The following PHTF1 variants were observed in gnomAD, a reference collection of about 807,000 sequenced individuals.
PHTF1 encodes putative homeodomain transcription factor 1.
In PHTF1, 88 loss-of-function variants were observed where a neutral mutation model predicts 102.4. The ratio of observed to expected loss-of-function variants is 0.86; its 90% CI spans 0.72 to 1.03. PHTF1 has a LOEUF of 1.03. Among genes scored for constraint, PHTF1 ranks in the 50% least tolerant of loss-of-function variants. PHTF1 has a pLI of 0.00. For missense variants in PHTF1, 814 were observed against 909.5 expected, an observed-to-expected ratio of 0.89 and a Z score of 1.35; for synonymous variants, 289 against 305.2, an observed-to-expected ratio of 0.95 and a Z score of 0.55.
chr1:113,713,361 T>C lies in PHTF1; in HGVS notation c.701A>G (p.Lys234Arg), dbSNP rs1651461569. ...AATCTCTGGTCGACATTGTCTCCTC[T>C]TAATGATAGGATGGACACAACTTGG... ...NDPSCVHPIIKRRQCRPEIRM... is the reference protein window; with the variant it reads ...NDPSCVHPIIRRRQCRPEIRM... Residue 234 changes from lysine (K) to arginine (R), a missense_variant, in exon 8 of 19, where the codon AAG (lysine) becomes AGG (arginine). Lys to Arg is a conservative substitution (Grantham distance 26). Coordinates refer to ENST00000369604, the MANE Select transcript of PHTF1 (RefSeq NM_001323043.2). 6.2e-7 allele frequency: 1 copy of C among 1,609,970 alleles called. No individual in the cohort carries two copies.
At position 113,700,885 on chromosome 1, in the gene PHTF1, G is replaced by C; in HGVS notation, c.1955C>G (p.Thr652Arg). The change falls in exon 16 of 19, where the codon ACA (threonine) becomes AGA (arginine). Residue 652 changes from threonine (T) to arginine (R), a missense_variant. Thr to Arg is a moderately conservative substitution (Grantham distance 71, BLOSUM62 -1). Coordinates refer to ENST00000369604, the MANE Select transcript of PHTF1 (RefSeq NM_001323043.2). ...AYNWEFLIWETALLLFLLRLA... is the reference protein window; with the variant it reads ...AYNWEFLIWERALLLFLLRLA... ...ACGCAATAAAAAAAGTAGTAAAGCT[G>C]TTTCCCAGATCAAAAACTCCCAGTT... 6.2e-7 allele frequency: 1 copy of C among 1,613,112 alleles called. No homozygotes were observed. The highest frequency in any genetic ancestry group is 1.3e-5 in the African/African-American group (1 of 74,950).
intron 3 of PHTF1, among the ~76,000 whole-genome samples, chr1:113,749,817 CT>C (rs1657754125): frequency 6.6e-6 from 1 of 152,072 alleles, no homozygotes; most frequent in African/African-American, 2.4e-5. Context: ...AAGAGTTTTA[CT>C]TCTTTCATTT....
At chr1:113,756,115 A>T (rs376234490) in intron 3 of PHTF1, among the ~76,000 whole-genome samples, 32 of 151,782 alleles carry the variant, frequency 2.1e-4, no homozygotes, top group African/African-American at 7.7e-4. Context: ...TGGCTAGGGG[A>T]AGAAGGTTAG....
At chr1:113,699,468 G>T in intron 17 of PHTF1, 1 of 636,860 alleles carries the variant, frequency 1.6e-6, no homozygotes, top group Admixed American at 2.1e-5. Flanking sequence ...TTGACCAGAT[G>T]GCCCAACTTG....
At chr1:113,751,484 T>C (rs1297698121) in intron 3 of PHTF1, among the ~76,000 whole-genome samples, 2 of 152,236 alleles carry the variant, frequency 1.3e-5, no homozygotes, top group Non-Finnish European at 2.9e-5. Flanking sequence ...CACAATATGT[T>C]GTACTTAGCA....
At position 113,704,811 on chromosome 1, in the gene PHTF1, A is replaced by T. The variant is rs780835506; in HGVS notation, c.1672-14T>A. ...AAATAAAAATCTCTAGAAGAGATTT[A>T]AAAAAAATCACAGTGAAATGTATGT... is the stretch of plus-strand genomic sequence containing the variant. On this transcript the variant is annotated splice_polypyrimidine_tract_variant and intron_variant, in intron 13 of 18. Transcript: ENST00000369604. 12 of 1,536,078 alleles carry T rather than the reference A, an allele frequency of 7.8e-6. No individual in the cohort carries two copies. Among genetic ancestry groups the T allele is most frequent in the Admixed American group, 3.7e-5 (2 of 54,490 alleles).
intron 15 of PHTF1, chr1:113,703,851 CAATT>C: frequency 2.1e-6 from 1 of 469,188 alleles, no homozygotes; most frequent in Non-Finnish European, 3.8e-6. Context: ...GTTTTATTAT[CAATT>C]AATAATTACC....
chr1:113,715,648 C>CAA (rs60517410), intron 7 of PHTF1, among the ~76,000 whole-genome samples: 42 of 24,986 alleles, frequency 1.7e-3, no homozygotes, highest in Non-Finnish European at 2.8e-3. Flanking sequence ...AACCCTGTCT[C>CAA]AAAAAAAAAA....
intron 4 of PHTF1, 115 bp from the exon 5 acceptor site, chr1:113,738,383 G>T: frequency 1.5e-6 from 1 of 682,622 alleles, no homozygotes; most frequent in Non-Finnish European, 2.4e-6. Flanking sequence ...AACCTGTTCA[G>T]TTAAAAAAAA....
At chr1:113,704,889 A>G (rs2101104308) in intron 13 of PHTF1, 92 bp from the exon 14 acceptor site, 4 of 899,102 alleles carry the variant, frequency 4.4e-6, no homozygotes, top group East Asian at 2.5e-5. Context: ...ATACAAAAAT[A>G]TTAAAAAGAA....
chr1:113,702,077 C>T (rs1247410745), intron 15 of PHTF1, among the ~76,000 whole-genome samples: 1 of 151,882 alleles, frequency 6.6e-6, no homozygotes, highest in Admixed American at 6.6e-5. Flanking sequence ...ATAATAATTA[C>T]ATCTTGCGGT....
At chr1:113,711,198 C>T (rs898615041) in intron 10 of PHTF1, among the ~76,000 whole-genome samples, 27 of 152,078 alleles carry the variant, frequency 1.8e-4, no homozygotes, top group African/African-American at 6.3e-4. Flanking sequence ...AGCTCCAAAA[C>T]GTTAAAGGAT....
At chr1:113,716,946 G>A (rs1295639776) in intron 7 of PHTF1, among the ~76,000 whole-genome samples, 6 of 152,054 alleles carry the variant, frequency 3.9e-5, no homozygotes, top group Non-Finnish European at 7.3e-5. Context: ...ATGTGTAAAC[G>A]ACTCATATCT....
intron 3 of PHTF1, among the ~76,000 whole-genome samples, chr1:113,745,939 T>C (rs923007566): frequency 3.3e-5 from 5 of 152,156 alleles, no homozygotes; most frequent in African/African-American, 1.2e-4. Flanking sequence ...TGTAAAACCA[T>C]CCCCCCACAC....
rs1169255679 is a variant in PHTF1, at chr1:113,733,060, A to AATTT, written c.331+5049_331+5050insAAAT. On this transcript the variant is annotated intron_variant, in intron 5 of 18. Transcript: ENST00000369604. ...TACAGGCTTGCACCACGCCTGGCTA[A>AATTT]TTTTTTTTTTTTTTTTTTTTTTTTT... Among the ~76,000 whole-genome samples the AATTT allele has an allele frequency of 7.7e-4, 65 of 84,168 alleles. 1 individual carries two copies. The highest frequency in any genetic ancestry group is 3.0e-3 in the African/African-American group (60 of 19,688). 55.2% of individuals were successfully genotyped at this position (84,168 alleles called of 152,430 possible). A position where few individuals can be genotyped will look rare whatever the true frequency, so the allele number is the denominator to read the frequency against.
chr1:113,759,062 C>G lies in PHTF1; in HGVS notation c.-70G>C, dbSNP rs1351039362. On this transcript the variant is annotated 5_prime_UTR_variant, in exon 1 of 19. Coordinates refer to ENST00000369604, the MANE Select transcript of PHTF1 (RefSeq NM_001323043.2). Reference sequence around the variant, plus strand: ...CCCGCGGGCCGGCGCCCGGGACCTCCGTCCTCAGTGCCCGGGGTCCCACCG... The same window carrying G: ...CCCGCGGGCCGGCGCCCGGGACCTCGGTCCTCAGTGCCCGGGGTCCCACCG... The G allele has an allele frequency of 1.0e-6, 1 of 1,002,624 alleles. No homozygotes were observed. The highest frequency in any genetic ancestry group is 4.5e-5 in the South Asian group (1 of 22,286). The allele number at this position is 1,002,624 out of a possible 1,614,324, so 62.1% of individuals were successfully genotyped here. A position where few individuals can be genotyped will look rare whatever the true frequency, so the allele number is the denominator to read the frequency against.
chr1:113,716,309 G>A (rs1161914023), intron 7 of PHTF1, among the ~76,000 whole-genome samples: 1 of 149,572 alleles, frequency 6.7e-6, no homozygotes, highest in African/African-American at 2.5e-5. Flanking sequence ...GGAGAGAGTG[G>A]TATGACATAT....
chr1:113,750,061 C>A (rs1451262837), intron 3 of PHTF1, among the ~76,000 whole-genome samples: 1 of 152,042 alleles, frequency 6.6e-6, no homozygotes, highest in Non-Finnish European at 1.5e-5. Flanking sequence ...GTGGCACAAT[C>A]ATAGCACACC....
chr1:113,701,531 T>G (rs192454523), intron 15 of PHTF1, among the ~76,000 whole-genome samples: 1 of 151,990 alleles, frequency 6.6e-6, no homozygotes, highest in South Asian at 2.1e-4. Context: ...CTGAAAAACA[T>G]ACAGATAATG....
Sources: allele counts gnomAD v4.1 joint callset (sites outside exome capture counted in the v4.1 genomes callset), GRCh38; gene constraint gnomAD v4.1.1; transcripts MANE v1.5; gene names NCBI Gene and HGNC (gene_info 2026-07-23, HGNC 2026-07-21).